The following MSR1 variants were observed in gnomAD, a reference collection of about 807,000 sequenced individuals.
MSR1 encodes macrophage scavenger receptor types I and II.
Under a neutral mutation model 47.2 loss-of-function variants are expected in MSR1, and 53 were observed. The ratio of observed to expected loss-of-function variants is 1.12; its 90% confidence interval spans 0.90 to 1.41. MSR1 has a LOEUF of 1.41. Ranked by LOEUF, MSR1 falls within the 40% of genes most tolerant of loss-of-function variation. The pLI is 0.00. For missense variants in MSR1, 786 were observed against 546.9 expected (o/e 1.44, Z -4.36); for synonymous variants, 239 against 185.6 (o/e 1.29, Z -2.34).
At chr8:16,172,671 C>G (rs1456062547) in intron 3 of MSR1, among the ~76,000 whole-genome samples, 1 of 151,964 alleles carries the variant, frequency 6.6e-6, no homozygotes, top group Admixed American at 6.6e-5. Context: ...ATTTCAGTAA[C>G]AATTTATATA....
At position 16,153,996 on chromosome 8, in the gene MSR1, T is replaced by A. The variant is rs558939878; in HGVS notation, c.898+1068A>T. Among the ~76,000 whole-genome samples, 136 of 152,086 alleles carry A rather than the reference T, an allele frequency of 8.9e-4. 1 individual carries two copies. The highest frequency in any genetic ancestry group is 3.2e-3 in the African/African-American group (134 of 41,538). ...ATTATATATATGGGTAGGATTGCTA[T>A]TTTATATATATAAAACATGTGTACC... On this transcript the variant is annotated intron_variant, in intron 6 of 9. Transcript: ENST00000262101.
At chr8:16,123,610 A>C (rs1800061024) in intron 8 of MSR1, among the ~76,000 whole-genome samples, 2 of 150,360 alleles carry the variant, frequency 1.3e-5, no homozygotes, top group African/African-American at 4.9e-5. Context: ...GTGTGTCTGG[A>C]TAGCTGTTTC....
intron 1 of MSR1, among the ~76,000 whole-genome samples, chr8:16,187,812 T>G (rs1245300263): frequency 1.3e-5 from 2 of 152,186 alleles, no homozygotes; most frequent in East Asian, 1.9e-4. Context: ...TGCACGTAAC[T>G]AGCAAACTGA....
At position 16,109,942 on chromosome 8, in the gene MSR1, A is replaced by G. The variant is rs908178485; in HGVS notation, c.*143T>C. On this transcript the variant is annotated 3_prime_UTR_variant, in exon 10 of 10. Transcript: ENST00000262101. The stretch of plus-strand genomic sequence containing the variant: ...TAAAATAGTAAGCATGAAGGTGTTC[A>G]ATATATTAATCCTGTAATCTAAAAT... The G allele has an allele frequency of 4.2e-6, 4 of 942,902 alleles. No individual in the cohort carries two copies. The African/African-American group carries it at 6.6e-5, about 15-fold the overall frequency. The allele number at this position is 942,902 out of a possible 1,614,324, so 58.4% of individuals were successfully genotyped here. A position where few individuals can be genotyped will look rare whatever the true frequency, so the allele number is the denominator to read the frequency against.
chr8:16,152,236 C>A (rs185456891), intron 6 of MSR1, among the ~76,000 whole-genome samples: 1 of 152,160 alleles, frequency 6.6e-6, no homozygotes, highest in African/African-American at 2.4e-5. Flanking sequence ...CCAGAAAAAA[C>A]CCACTTTCAA....
In MSR1 at chr8:16,108,198, A is replaced by ATAGCAATAGTACTAGTAC. The variant is rs1461670933; in HGVS notation, c.*1869_*1886dup. 7.6e-5 allele frequency: 11 copies of ATAGCAATAGTACTAGTAC among 144,510 alleles called. No homozygotes were observed. The highest frequency in any genetic ancestry group is 4.9e-4 in the Admixed American group (7 of 14,282). 9.0% of individuals were successfully genotyped at this position (144,510 alleles called of 1,614,324 possible). A position where few individuals can be genotyped will look rare whatever the true frequency, so the allele number is the denominator to read the frequency against. On this transcript the variant is annotated 3_prime_UTR_variant, in exon 10 of 10. Coordinates refer to ENST00000262101, the MANE Select transcript of MSR1 (RefSeq NM_138715.3). The stretch of plus-strand genomic sequence containing the variant: ...ACTAGTACTAGTAATAGTACTAGTA[A>ATAGCAATAGTACTAGTAC]TAGCAATAGTACTAGTACTAGCAAT...
At chr8:16,178,531 T>C (rs1414806239) in intron 1 of MSR1, among the ~76,000 whole-genome samples, 1 of 152,120 alleles carries the variant, frequency 6.6e-6, no homozygotes, top group African/African-American at 2.4e-5. Flanking sequence ...TTCCAAGTCT[T>C]TGCTATTGTG....
intron 8 of MSR1, among the ~76,000 whole-genome samples, chr8:16,123,523 CTTT>C (rs33939924): frequency 1.3e-5 from 2 of 148,750 alleles, no homozygotes; most frequent in Admixed American, 6.7e-5. Flanking sequence ...TCAGATAGGG[CTTT>C]TTTTTTTTCC....
intron 9 of MSR1, among the ~76,000 whole-genome samples, chr8:16,113,626 A>T (rs1799811938): frequency 6.6e-6 from 1 of 152,134 alleles, no homozygotes; most frequent in Non-Finnish European, 1.5e-5. Flanking sequence ...AATATAGCCT[A>T]TAGTTTGGAT....
chr8:16,149,506 G>T (rs868447838), intron 7 of MSR1, among the ~76,000 whole-genome samples: 1 of 151,828 alleles, frequency 6.6e-6, no homozygotes, highest in African/African-American at 2.4e-5. Flanking sequence ...GGGACTACAG[G>T]TACTCACCTC....
chr8:16,125,477 T>C (rs1276647732), intron 8 of MSR1, among the ~76,000 whole-genome samples: 5 of 152,182 alleles, frequency 3.3e-5, no homozygotes, highest in African/African-American at 9.6e-5. Context: ...TCTCTGCTGA[T>C]TCATTGAATG....
intron 6 of MSR1, among the ~76,000 whole-genome samples, chr8:16,152,175 G>A (rs534140213): frequency 3.3e-5 from 5 of 152,028 alleles, no homozygotes; most frequent in East Asian, 3.9e-4. Flanking sequence ...TAAATGATAC[G>A]TACACAGTTA....
chr8:16,188,325 T>C (rs1802061963), intron 1 of MSR1, among the ~76,000 whole-genome samples: 1 of 151,984 alleles, frequency 6.6e-6, no homozygotes, highest in African/African-American at 2.4e-5. Flanking sequence ...TGTCATCTCA[T>C]CACCCTAATA....
chr8:16,176,518 A>G (rs1202596906), intron 2 of MSR1, among the ~76,000 whole-genome samples: 2 of 151,858 alleles, frequency 1.3e-5, no homozygotes, highest in South Asian at 4.1e-4. Flanking sequence ...AAAAGAAAAA[A>G]AAAAAAAGGA....
At chr8:16,180,152 TTCTC>T (rs554243274) in intron 1 of MSR1, among the ~76,000 whole-genome samples, 7 of 151,378 alleles carry the variant, frequency 4.6e-5, no homozygotes, top group Non-Finnish European at 5.9e-5. Context: ...TCTCCCTTCT[TTCTC>T]TCTCTCTCCC....
chr8:16,120,699 A>T, intron 8 of MSR1, 93 bp from the exon 9 acceptor site: 1 of 1,415,082 alleles, frequency 7.1e-7, no homozygotes, highest in South Asian at 1.3e-5. Context: ...TTTAAACACA[A>T]AAAAATGTTT....
At chr8:16,157,815 T>A (rs1585170799) in intron 5 of MSR1, among the ~76,000 whole-genome samples, 2 of 151,990 alleles carry the variant, frequency 1.3e-5, no homozygotes, top group South Asian at 4.1e-4. Context: ...AGATTTTTAA[T>A]CTAGTCTGAA....
intron 4 of MSR1, among the ~76,000 whole-genome samples, chr8:16,164,623 G>A (rs966945132): frequency 6.6e-6 from 1 of 151,906 alleles, no homozygotes; most frequent in African/African-American, 2.4e-5. Flanking sequence ...TGGCAACATA[G>A]TCAAATTTCG....
At chr8:16,167,553 AC>A (rs1476797974) in intron 4 of MSR1, among the ~76,000 whole-genome samples, 1 of 152,046 alleles carries the variant, frequency 6.6e-6, no homozygotes, top group Non-Finnish European at 1.5e-5. Context: ...TCAAAAACAA[AC>A]AAACAAACAA....
Sources: allele counts gnomAD v4.1 joint callset (sites outside exome capture counted in the v4.1 genomes callset), GRCh38; gene constraint gnomAD v4.1.1; transcripts MANE v1.5; gene names NCBI Gene and HGNC (gene_info 2026-07-23, HGNC 2026-07-21).